The following AKAP13 variants were observed in gnomAD, a reference collection of about 807,000 sequenced individuals.
AKAP13 encodes the protein A-kinase anchor protein 13.
A neutral mutation model predicts 264.5 loss-of-function variants in AKAP13; 80 were observed. That is an observed-to-expected ratio of 0.30 (90% CI 0.25 to 0.36). AKAP13 has a LOEUF of 0.36. AKAP13 is among the 10% of genes least tolerant of loss of function. The pLI is 1.00. For missense variants in AKAP13, 3,712 were observed against 3,435.2 expected, an observed-to-expected ratio of 1.08 and a Z score of -2.01; for synonymous variants, 1,380 against 1,250.2, an observed-to-expected ratio of 1.10 and a Z score of -2.19.
intron 2 of AKAP13, among the ~76,000 whole-genome samples, chr15:85,496,151 TA>T (rs2075866700): frequency 1.3e-5 from 2 of 152,172 alleles, no homozygotes; most frequent in Non-Finnish European, 2.9e-5. Flanking sequence ...GGGTGGATGG[TA>T]GGGTTCGCAT....
intron 1 of AKAP13, among the ~76,000 whole-genome samples, chr15:85,440,126 C>T (rs74024844): frequency 0.073 from 11,161 of 152,190 alleles, 644 homozygotes; most frequent in East Asian, 0.31. Flanking sequence ...TTAGCAATTA[C>T]TTTAGCTGAA....
intron 5 of AKAP13, among the ~76,000 whole-genome samples, chr15:85,548,878 C>A (rs1364403925): frequency 1.4e-5 from 2 of 147,240 alleles, no homozygotes; most frequent in Non-Finnish European, 3.0e-5. Context: ...GGGTGATTCA[C>A]TTAACCTCTC....
At position 85,562,696 on chromosome 15, in the gene AKAP13, T is replaced by C. The variant is rs200120107; in HGVS notation, c.663-12435T>C. ...TCTTTCTTTTCTTTTCTTTTCTTTTTTTTTTTTTTTTTTTTTGAGACTGAA... is the reference window on the plus strand; with the variant it reads ...TCTTTCTTTTCTTTTCTTTTCTTTTCTTTTTTTTTTTTTTTTGAGACTGAA... On this transcript the variant is annotated intron_variant, in intron 5 of 36. Transcript: ENST00000394518. Among the ~76,000 whole-genome samples, 138 of 55,664 alleles carry C rather than the reference T, an allele frequency of 2.5e-3. 5 individuals carry two copies. The highest frequency in any genetic ancestry group is 0.013 in the East Asian group (35 of 2,720). The allele number at this position is 55,664 out of a possible 152,430, so 36.5% of individuals were successfully genotyped here.
chr15:85,598,350 A>T (rs2079909117), intron 8 of AKAP13, among the ~76,000 whole-genome samples: 2 of 152,114 alleles, frequency 1.3e-5, no homozygotes, highest in African/African-American at 4.8e-5. Flanking sequence ...GCAACAGGAC[A>T]TTTTCTCTAA....
At chr15:85,398,710 C>A (rs2071241791) in intron 1 of AKAP13, among the ~76,000 whole-genome samples, 1 of 152,108 alleles carries the variant, frequency 6.6e-6, no homozygotes, top group Non-Finnish European at 1.5e-5. Flanking sequence ...CACATGCCAC[C>A]ACGCCCGGCT....
intron 8 of AKAP13, among the ~76,000 whole-genome samples, chr15:85,607,844 G>C (rs2080423637): frequency 6.6e-6 from 1 of 152,222 alleles, no homozygotes; most frequent in Non-Finnish European, 1.5e-5. Context: ...ACAAGCTCCA[G>C]ATAATAGTCT....
intron 9 of AKAP13, among the ~76,000 whole-genome samples, chr15:85,644,828 C>G (rs2082480282): frequency 6.6e-6 from 1 of 151,994 alleles, no homozygotes; most frequent in African/African-American, 2.4e-5. Flanking sequence ...GAAGGAAGCT[C>G]ATATCCACTC....
intron 13 of AKAP13, among the ~76,000 whole-genome samples, chr15:85,666,206 A>G (rs1195889354): frequency 2.0e-5 from 3 of 152,142 alleles, no homozygotes; most frequent in Non-Finnish European, 4.4e-5. Flanking sequence ...TGACTTTTTA[A>G]TGATCACCAT....
chr15:85,394,125 T>A (rs558107267), intron 1 of AKAP13, among the ~76,000 whole-genome samples: 1 of 152,364 alleles, frequency 6.6e-6, no homozygotes, highest in African/African-American at 2.4e-5. Context: ...TATAGGAAGT[T>A]GAAAAACCAG....
intron 8 of AKAP13, among the ~76,000 whole-genome samples, chr15:85,596,160 A>T (rs2079817597): frequency 6.6e-6 from 1 of 152,216 alleles, no homozygotes; most frequent in African/African-American, 2.4e-5. Flanking sequence ...AGGGCAGAGA[A>T]TACTCTTATG....
At position 85,741,509 on chromosome 15, in the gene AKAP13, C is replaced by T; in HGVS notation, c.8058+14C>T. Reference sequence around the variant, plus strand: ...GACCTGTGTCAGGTAATGGGACTCCCTGCCGAGAGCAACCTAATGATGATA... The same window carrying T: ...GACCTGTGTCAGGTAATGGGACTCCTTGCCGAGAGCAACCTAATGATGATA... On this transcript the variant is annotated intron_variant, in intron 35 of 36. Transcript: ENST00000394518. The T allele has an allele frequency of 6.4e-7, 1 of 1,559,770 alleles. No homozygotes were observed. Among genetic ancestry groups the T allele is most frequent in the Non-Finnish European group, 8.7e-7 (1 of 1,150,544 alleles).
intron 12 of AKAP13, among the ~76,000 whole-genome samples, chr15:85,663,496 A>G (rs75929977): frequency 4.1e-4 from 63 of 152,350 alleles, no homozygotes; most frequent in African/African-American, 1.2e-3. Flanking sequence ...TAAATAAATA[A>G]TTTAAAAAAG....
At chr15:85,459,623 C>T (rs2150996526) in intron 1 of AKAP13, among the ~76,000 whole-genome samples, 1 of 152,144 alleles carries the variant, frequency 6.6e-6, no homozygotes, top group South Asian at 2.1e-4. Context: ...CCTCAGCCTC[C>T]TGAGTAGCTG....
At position 85,664,951 on chromosome 15, in the gene AKAP13, A is replaced by G. The variant is rs1427794916; in HGVS notation, c.4992+196A>G. Among the ~76,000 whole-genome samples, 4 of 152,192 alleles carry G rather than the reference A, an allele frequency of 2.6e-5. No homozygotes were observed. In the East Asian group the frequency reaches 7.7e-4, roughly 29 times the overall value. On this transcript the variant is annotated intron_variant, in intron 13 of 36. Coordinates refer to ENST00000394518, the MANE Select transcript of AKAP13 (RefSeq NM_007200.5). ...CATGGTGGCTCATGCCTATAATCCC[A>G]GTGCTTTGGGAGGTTGAGGCAGGAG... is the stretch of plus-strand genomic sequence containing the variant.
chr15:85,572,324 AAGGC>A, intron 5 of AKAP13, among the ~76,000 whole-genome samples: 1 of 152,224 alleles, frequency 6.6e-6, no homozygotes, highest in Non-Finnish European at 1.5e-5. Flanking sequence ...GCCACACAAT[AAGGC>A]ATGTTAGTGA....
chr15:85,420,927 A>C (rs994299416), intron 1 of AKAP13, among the ~76,000 whole-genome samples: 2 of 152,222 alleles, frequency 1.3e-5, no homozygotes, highest in African/African-American at 4.8e-5. Flanking sequence ...CTCTAAAAAA[A>C]AAATCGGAAT....
At chr15:85,660,081 G>A (rs954112491) in intron 12 of AKAP13, among the ~76,000 whole-genome samples, 1 of 152,204 alleles carries the variant, frequency 6.6e-6, no homozygotes, top group Non-Finnish European at 1.5e-5. Flanking sequence ...GGCCGAGCAC[G>A]GTGGCTCACG....
intron 13 of AKAP13, among the ~76,000 whole-genome samples, chr15:85,666,677 G>C (rs1233165170): frequency 6.6e-6 from 1 of 152,148 alleles, no homozygotes; most frequent in African/African-American, 2.4e-5. Context: ...GTCTCCCAAA[G>C]TGCTGGCATT....
At chr15:85,701,739 G>A (rs891190734) in intron 17 of AKAP13, among the ~76,000 whole-genome samples, 1 of 151,796 alleles carries the variant, frequency 6.6e-6, no homozygotes, top group African/African-American at 2.4e-5. Flanking sequence ...CACCATGCCT[G>A]GCTATATTTG....
Sources: gnomAD v4.1 joint callset for allele counts (sites outside exome capture counted in the v4.1 genomes callset) on GRCh38, gnomAD v4.1.1 for gene constraint, MANE v1.5 for transcripts, NCBI Gene and HGNC (gene_info 2026-07-23, HGNC 2026-07-21) for gene names.